The following DOCK1 variants were observed in gnomAD, a reference collection of about 807,000 sequenced individuals.
DOCK1 encodes the protein dedicator of cytokinesis protein 1.
DOCK1 carries 138 observed loss-of-function variants against 262.7 expected under a neutral mutation model. The observed-to-expected ratio is 0.53, with a 90% confidence interval of 0.46 to 0.61. The LOEUF (loss-of-function observed/expected upper bound fraction) is 0.61, where lower values mean the gene tolerates loss of function less well. Among genes scored for constraint, DOCK1 ranks in the 20% least tolerant of loss-of-function variants. The probability of loss-of-function intolerance (pLI) is 0.00; values close to 1 mark genes in which losing one functional copy is unlikely to be tolerated. For missense variants in DOCK1, 1,908 were observed against 2,370.7 expected (o/e 0.80, Z 4.05); for synonymous variants, 866 against 867.4 (o/e 1.00, Z 0.03).
At chr10:127,056,626 C>T (rs1346092465) in intron 22 of DOCK1, among the ~76,000 whole-genome samples, 2 of 151,868 alleles carry the variant, frequency 1.3e-5, no homozygotes, top group African/African-American at 4.8e-5. Context: ...CTCTTTTGTC[C>T]CTTCCTTCCT....
chr10:127,427,811 G>A (rs545646671), intron 47 of DOCK1, among the ~76,000 whole-genome samples: 37 of 152,340 alleles, frequency 2.4e-4, no homozygotes, highest in South Asian at 1.0e-3. Context: ...GGGCATGACC[G>A]AACCTTGGTG....
intron 14 of DOCK1, among the ~76,000 whole-genome samples, chr10:127,024,307 C>A (rs1276247821): frequency 6.6e-6 from 1 of 152,190 alleles, no homozygotes; most frequent in Non-Finnish European, 1.5e-5. Flanking sequence ...AAACAGTGTT[C>A]ATGGCTGGAG....
chr10:127,167,509 C>G (rs941819531), intron 27 of DOCK1, among the ~76,000 whole-genome samples: 4 of 152,046 alleles, frequency 2.6e-5, no homozygotes, highest in Non-Finnish European at 4.4e-5. Context: ...GGTTCCCCCC[C>G]GCCCCGAAAC....
chr10:127,240,196 A>C (rs1302547222), intron 27 of DOCK1, among the ~76,000 whole-genome samples: 1 of 151,590 alleles, frequency 6.6e-6, no homozygotes, highest in Middle Eastern at 3.2e-3. Context: ...TACAGGTTTA[A>C]TTTTGTTGTT....
intron 23 of DOCK1, among the ~76,000 whole-genome samples, chr10:127,080,615 C>G (rs532264907): frequency 6.6e-6 from 1 of 152,118 alleles, no homozygotes; most frequent in Non-Finnish European, 1.5e-5. Flanking sequence ...CTCATGACAT[C>G]GTGCAGAGCT....
chr10:127,170,086 C>G (rs1040552570), intron 27 of DOCK1, among the ~76,000 whole-genome samples: 1 of 151,886 alleles, frequency 6.6e-6, no homozygotes, highest in African/African-American at 2.4e-5. Flanking sequence ...TGAGGATGAA[C>G]AGAACCCCTG....
chr10:127,412,108 G>A (rs967858869), intron 43 of DOCK1, among the ~76,000 whole-genome samples: 14 of 151,444 alleles, frequency 9.2e-5, no homozygotes, highest in South Asian at 4.2e-4. Context: ...GACTACAGGT[G>A]CCCGCCACTA....
intron 27 of DOCK1, 132 bp downstream of exon 27, chr10:127,127,896 T>A (rs984498975): frequency 1.3e-5 from 8 of 605,460 alleles, no homozygotes; most frequent in African/African-American, 1.1e-4. Flanking sequence ...ATATAAAATG[T>A]CCTCATTTTC....
At chr10:127,082,767 G>A (rs551759663) in intron 23 of DOCK1, among the ~76,000 whole-genome samples, 1 of 152,044 alleles carries the variant, frequency 6.6e-6, no homozygotes, top group Non-Finnish European at 1.5e-5. Context: ...CTGGGCCTTC[G>A]TCTCCTTTCC....
At chr10:127,308,638 A>T (rs144528728) in intron 29 of DOCK1, among the ~76,000 whole-genome samples, 4 of 151,986 alleles carry the variant, frequency 2.6e-5, no homozygotes, top group Non-Finnish European at 4.4e-5. Context: ...CCCTGTGCCC[A>T]TGTGTTCTCA....
At position 127,052,276 on chromosome 10, in the gene DOCK1, A is replaced by G. The variant is rs189018269; in HGVS notation, c.2202-405A>G. 1.5e-4 allele frequency among the ~76,000 whole-genome samples: 23 copies of G among 152,306 alleles called. No homozygotes were observed. The East Asian group carries it at 3.9e-3, about 26-fold the overall frequency. Reference sequence around the variant, plus strand: ...GCAGTGGCTTACGCCTATGATCCTAACACTTTGGGAGGCCAAGGGGGGTGG... The same window carrying G: ...GCAGTGGCTTACGCCTATGATCCTAGCACTTTGGGAGGCCAAGGGGGGTGG... On this transcript the variant is annotated intron_variant, in intron 21 of 51. Transcript: ENST00000623213.
intron 46 of DOCK1, among the ~76,000 whole-genome samples, chr10:127,423,716 G>A (rs1333845854): frequency 6.6e-6 from 1 of 152,196 alleles, no homozygotes; most frequent in Non-Finnish European, 1.5e-5. Context: ...TGACTGTTGT[G>A]TCCAGGGGTG....
intron 1 of DOCK1, among the ~76,000 whole-genome samples, chr10:126,909,437 G>T (rs1026580125): frequency 6.6e-6 from 1 of 152,188 alleles, no homozygotes; most frequent in African/African-American, 2.4e-5. Context: ...AGCTGGCTGG[G>T]TTGTGGGAAT....
At chr10:127,373,923 G>A (rs780447701) in intron 34 of DOCK1, 57 bp downstream of exon 34, 35 of 1,556,412 alleles carry the variant, frequency 2.2e-5, no homozygotes, top group African/African-American at 2.7e-5. Flanking sequence ...CAGAGAGACC[G>A]TAATTAGACT....
At chr10:127,426,130 A>G in intron 47 of DOCK1, 119 bp downstream of exon 47, 1 of 1,519,084 alleles carries the variant, frequency 6.6e-7, no homozygotes, top group Non-Finnish European at 8.9e-7. Flanking sequence ...CCGCTTAGGA[A>G]GTGGGATGTG....
chr10:127,268,029 G>A (rs1036305679), intron 29 of DOCK1, among the ~76,000 whole-genome samples: 1 of 152,134 alleles, frequency 6.6e-6, no homozygotes, highest in Non-Finnish European at 1.5e-5. Flanking sequence ...GTCCAGACAC[G>A]TTGTTGTCAC....
At chr10:126,917,840 G>A (rs1017566751) in intron 1 of DOCK1, among the ~76,000 whole-genome samples, 1 of 152,114 alleles carries the variant, frequency 6.6e-6, no homozygotes, top group South Asian at 2.1e-4. Flanking sequence ...GGTCAGGGTC[G>A]AGGACATTAG....
chr10:127,444,209 G>T lies in DOCK1; in HGVS notation c.5343G>T (p.Ser1781=). ...AAAGGCGCTTCTCGGTGTCCCCCTC[G>T]TCACCGTCCTCCCAGCAAACACCCC... The part of the protein sequence containing the change: ...GSERRFSVSP[S]SPSSQQTPPP... Residue 1781 remains serine, a synonymous_variant, in exon 50 of 52, where the codon TCG becomes TCT. Coordinates refer to ENST00000623213, the MANE Select transcript of DOCK1 (RefSeq NM_001290223.2). The T allele has an allele frequency of 6.2e-7, 1 of 1,610,376 alleles. No individual in the cohort carries two copies. Among genetic ancestry groups the T allele is most frequent in the Non-Finnish European group, 8.5e-7 (1 of 1,178,916 alleles).
chr10:127,213,988 C>T (rs954400892), intron 27 of DOCK1, among the ~76,000 whole-genome samples: 3 of 152,098 alleles, frequency 2.0e-5, no homozygotes, highest in East Asian at 1.9e-4. Context: ...TACAGGCACC[C>T]GCCACCATGC....
Sources: allele counts gnomAD v4.1 joint callset (sites outside exome capture counted in the v4.1 genomes callset), GRCh38; gene constraint gnomAD v4.1.1; transcripts MANE v1.5; gene names NCBI Gene and HGNC (gene_info 2026-07-23, HGNC 2026-07-21).